Variants in THSD7A observed in about 807,000 individuals in gnomAD.
THSD7A encodes thrombospondin type 1 domain containing 7A.
THSD7A carries 96 observed loss-of-function variants against 231.3 expected under a neutral mutation model. The ratio of observed to expected loss-of-function variants is 0.41; its 90% CI spans 0.35 to 0.49. THSD7A has a LOEUF of 0.49. THSD7A is among the 20% of genes least tolerant of loss of function. The pLI is 0.05. For missense variants in THSD7A, 2,290 were observed against 2,070.2 expected (o/e 1.11, Z -2.06); for synonymous variants, 940 against 743.3 (o/e 1.26, Z -4.30).
rs567532727 is a variant in THSD7A at position 11,740,345 on chromosome 7, C to T, written c.190+91412G>A. On this transcript the variant is annotated intron_variant, in intron 1 of 27. Transcript: ENST00000423059. Reference sequence around the variant, plus strand: ...GAGAGAAATTGTATACACCTCCCTGCACTCCTCTATCTACATTGCACAGTG... The same window carrying T: ...GAGAGAAATTGTATACACCTCCCTGTACTCCTCTATCTACATTGCACAGTG... Among the ~76,000 whole-genome samples, 3 of 152,110 alleles carry T rather than the reference C, an allele frequency of 2.0e-5. No homozygotes were observed. The East Asian group carries it at 5.8e-4, about 30-fold the overall frequency.
At chr7:11,418,886 T>C (rs910275954) in intron 16 of THSD7A, among the ~76,000 whole-genome samples, 2 of 152,124 alleles carry the variant, frequency 1.3e-5, no homozygotes, top group African/African-American at 2.4e-5. Context: ...AAAGTAGATA[T>C]TGATATGATT....
Position 11,474,867 on chromosome 7 carries a change from G to C in THSD7A, c.2018-299C>G, listed in dbSNP as rs1335113587. 6.6e-6 allele frequency among the ~76,000 whole-genome samples: 1 copy of C among 152,146 alleles called. No individual in the cohort carries two copies. The highest frequency in any genetic ancestry group is 1.5e-5 in the Non-Finnish European group (1 of 68,018). ...AAATAATTATATTGTGCGGTATTTA[G>C]TATAACTGGGATTCAAGGAGTACAA... On this transcript the variant is annotated intron_variant, in intron 7 of 27. Coordinates refer to ENST00000423059, the MANE Select transcript of THSD7A (RefSeq NM_015204.3). This position sits in a 1 kb window ranked among gnomAD's most constrained non-coding sequence, Gnocchi z 4.1.
At chr7:11,753,245 T>C (rs1010808325) in intron 1 of THSD7A, among the ~76,000 whole-genome samples, 2 of 152,098 alleles carry the variant, frequency 1.3e-5, no homozygotes, top group African/African-American at 4.8e-5. Flanking sequence ...TTCCACTGAA[T>C]GTGATGATCT....
chr7:11,581,078 T>C (rs1223795369), intron 4 of THSD7A, among the ~76,000 whole-genome samples: 5 of 152,112 alleles, frequency 3.3e-5, no homozygotes, highest in Non-Finnish European at 5.9e-5. Flanking sequence ...AGAATGAACA[T>C]AGAATGAGTT....
In THSD7A at chr7:11,474,227, G is replaced by T. The variant is rs1005643222; in HGVS notation, c.2252+107C>A. The T allele has an allele frequency of 1.7e-5, 16 of 935,056 alleles. No homozygotes were observed. In the African/African-American group the frequency reaches 2.5e-4, roughly 14 times the overall value. 57.9% of individuals were successfully genotyped at this position (935,056 alleles called of 1,614,324 possible). On this transcript the variant is annotated intron_variant, in intron 8 of 27. Transcript: ENST00000423059. The surrounding 1 kb of genome is among the most constrained non-coding windows in gnomAD (Gnocchi z 4.1). Reference sequence around the variant, plus strand: ...CAAACAAATCTTGCTCTTGAGGACAGGTATGACAAGCATCAAAATGTTCCA... The same window carrying T: ...CAAACAAATCTTGCTCTTGAGGACATGTATGACAAGCATCAAAATGTTCCA...
intron 4 of THSD7A, among the ~76,000 whole-genome samples, chr7:11,589,736 C>G (rs1226545488): frequency 6.6e-6 from 1 of 152,162 alleles, no homozygotes; most frequent in African/African-American, 2.4e-5. Flanking sequence ...TAAAGATGTT[C>G]ATATTTGTGT....
chr7:11,509,751 G>A (rs1450490155), intron 6 of THSD7A, among the ~76,000 whole-genome samples: 1 of 143,870 alleles, frequency 7.0e-6, no homozygotes, highest in Non-Finnish European at 1.5e-5. Context: ...GAACCCGGGA[G>A]GCGGAGCTTG....
chr7:11,455,906 T>A (rs138513820), intron 11 of THSD7A, among the ~76,000 whole-genome samples: 1 of 152,030 alleles, frequency 6.6e-6, no homozygotes, highest in African/African-American at 2.4e-5. Context: ...TTCCTCCAAT[T>A]TGAAAAATTA....
chr7:11,769,153 A>ATATTTTTTTTTTTTTTTTTTT, intron 1 of THSD7A, among the ~76,000 whole-genome samples: 8 of 27,642 alleles, frequency 2.9e-4, no homozygotes, highest in Non-Finnish European at 3.5e-4. Context: ...ATATATATAT[A>ATATTTTTTTTTTTTTTTTTTT]TTTTTTTTTT....
At chr7:11,508,078 T>A (rs1422534430) in intron 6 of THSD7A, among the ~76,000 whole-genome samples, 1 of 152,088 alleles carries the variant, frequency 6.6e-6, no homozygotes, top group East Asian at 1.9e-4. Context: ...AACCATCAGA[T>A]CTTGTGAGGA....
intron 4 of THSD7A, among the ~76,000 whole-genome samples, chr7:11,563,186 C>T (rs1790147570): frequency 8.4e-6 from 1 of 118,942 alleles, no homozygotes. Flanking sequence ...TGACATAAAC[C>T]CCATCATACT....
At chr7:11,767,277 A>G (rs1319640729) in intron 1 of THSD7A, among the ~76,000 whole-genome samples, 2 of 152,170 alleles carry the variant, frequency 1.3e-5, no homozygotes, top group South Asian at 2.1e-4. Context: ...ATTCGCAACC[A>G]AAGCCAGTCA....
At chr7:11,402,014 A>G in intron 22 of THSD7A, 46 bp from the exon 23 acceptor site, 1 of 1,546,692 alleles carries the variant, frequency 6.5e-7, no homozygotes, top group Non-Finnish European at 8.8e-7. Flanking sequence ...CACAGAGAAA[A>G]GCCAGCCCGA....
chr7:11,685,723 A>G (rs1780025732), intron 1 of THSD7A, among the ~76,000 whole-genome samples: 1 of 151,920 alleles, frequency 6.6e-6, no homozygotes, highest in East Asian at 1.9e-4. Flanking sequence ...AGAATAACTG[A>G]TGTTGATGAG....
intron 23 of THSD7A, among the ~76,000 whole-genome samples, chr7:11,391,417 T>C (rs900268482): frequency 2.6e-5 from 4 of 152,208 alleles, no homozygotes; most frequent in Non-Finnish European, 2.9e-5. Context: ...AACAGCCTAC[T>C]CAAGCCTCAG....
At chr7:11,466,506 C>A (rs980119703) in intron 9 of THSD7A, among the ~76,000 whole-genome samples, 8 of 152,138 alleles carry the variant, frequency 5.3e-5, no homozygotes, top group African/African-American at 1.9e-4. Flanking sequence ...CATCTTGGCA[C>A]TGTTATCCAA....
chr7:11,634,904 A>C lies in THSD7A; in HGVS notation c.1022+1226T>G, dbSNP rs567672364. On this transcript the variant is annotated intron_variant, in intron 2 of 27. Transcript: ENST00000423059. This position sits in a 1 kb window ranked among gnomAD's most constrained non-coding sequence, Gnocchi z 4.1. ...CCAAAAACACTTTAAACCAGATTTC[A>C]AAATCTATGCATAGCAAAATCAGTA... 1.3e-5 allele frequency among the ~76,000 whole-genome samples: 2 copies of C among 152,320 alleles called. No individual in the cohort carries two copies. The highest frequency in any genetic ancestry group is 4.1e-4 in the South Asian group (2 of 4,828).
chr7:11,607,541 A>T (rs967186631), intron 2 of THSD7A, among the ~76,000 whole-genome samples: 11 of 148,922 alleles, frequency 7.4e-5, no homozygotes, highest in African/African-American at 2.5e-4. Flanking sequence ...TTGAACCTTT[A>T]AAAAAAAAAG....
At chr7:11,426,374 T>C (rs996182429) in intron 15 of THSD7A, among the ~76,000 whole-genome samples, 7 of 152,164 alleles carry the variant, frequency 4.6e-5, no homozygotes, top group Non-Finnish European at 1.0e-4. Context: ...AGACCATTAA[T>C]AATGGGTGTC....
Sources: gnomAD v4.1 joint callset for allele counts (sites outside exome capture counted in the v4.1 genomes callset) on GRCh38, gnomAD v4.1.1 for gene constraint, Gnocchi (gnomAD v3.1) non-coding constraint, MANE v1.5 for transcripts, NCBI Gene and HGNC (gene_info 2026-07-23, HGNC 2026-07-21) for gene names.